Variants in GCNT2 observed in about 807,000 individuals in gnomAD.
GCNT2 encodes the protein glucosaminyl (N-acetyl) transferase 2 (I blood group), also known as N-acetyllactosaminide beta-1,6-N-acetylglucosaminyl-transferase.
A neutral mutation model predicts 34.2 loss-of-function variants in GCNT2; 34 were observed. The ratio of observed to expected loss-of-function variants is 1.00; its 90% confidence interval spans 0.76 to 1.32. GCNT2 has a LOEUF of 1.32. Ranked by LOEUF, GCNT2 falls within the 40% of genes most tolerant of loss-of-function variation. The pLI is 0.00. For missense variants in GCNT2, 584 were observed against 489.4 expected, an observed-to-expected ratio of 1.19 and a Z score of -1.82; for synonymous variants, 212 against 188.0, an observed-to-expected ratio of 1.13 and a Z score of -1.04.
chr6:10,542,073 T>G (rs1315612707), intron 3 of GCNT2, among the ~76,000 whole-genome samples: 4 of 152,166 alleles, frequency 2.6e-5, no homozygotes, highest in Admixed American at 6.6e-5. Context: ...ACCAATTGTG[T>G]TGTTGCTTTC....
At chr6:10,588,785 A>ATG (rs60988454) in intron 3 of GCNT2, among the ~76,000 whole-genome samples, 2,821 of 135,228 alleles carry the variant, frequency 0.021, 36 homozygotes, top group African/African-American at 0.035. Flanking sequence ...TGTGTGTGTG[A>ATG]TGTGTGTGTG....
At chr6:10,533,884 C>A (rs985484184) in intron 3 of GCNT2, among the ~76,000 whole-genome samples, 3 of 150,454 alleles carry the variant, frequency 2.0e-5, no homozygotes, top group African/African-American at 7.3e-5. Context: ...CCTGTGGCTG[C>A]GACCACAGGC....
intron 3 of GCNT2, among the ~76,000 whole-genome samples, chr6:10,550,396 G>GA (rs1057228175): frequency 4.0e-5 from 6 of 150,752 alleles, no homozygotes; most frequent in Admixed American, 1.3e-4. Flanking sequence ...GGGTCATTGA[G>GA]AAAAAAAAAT....
intron 3 of GCNT2, among the ~76,000 whole-genome samples, chr6:10,566,333 T>C (rs550292283): frequency 1.3e-5 from 2 of 152,344 alleles, no homozygotes; most frequent in South Asian, 2.1e-4. Flanking sequence ...GGCCTGGCTC[T>C]GTGACCCAGG....
intron 3 of GCNT2, among the ~76,000 whole-genome samples, chr6:10,561,169 T>C (rs1164632363): frequency 2.0e-5 from 3 of 152,092 alleles, no homozygotes; most frequent in Admixed American, 6.5e-5. Flanking sequence ...TTTCTTTTCT[T>C]TTTCTTTTTT....
intron 3 of GCNT2, among the ~76,000 whole-genome samples, chr6:10,582,491 A>ACATC (rs1561816820): frequency 4.7e-5 from 5 of 106,446 alleles, no homozygotes; most frequent in Non-Finnish European, 9.7e-5. Context: ...TATATACTAT[A>ACATC]ATATATAATA....
At chr6:10,622,742 CTTTTTTTTTTT>C (rs36097125) in intron 4 of GCNT2, among the ~76,000 whole-genome samples, 1,457 of 74,550 alleles carry the variant, frequency 0.02, 35 homozygotes, top group African/African-American at 0.06. Flanking sequence ...CTCAGTCCAT[CTTTTTTTTTTT>C]TTTTTTTTTT....
At chr6:10,583,917 A>G (rs763584910) in intron 3 of GCNT2, among the ~76,000 whole-genome samples, 1 of 152,136 alleles carries the variant, frequency 6.6e-6, no homozygotes, top group Non-Finnish European at 1.5e-5. Context: ...CTGGCATGCA[A>G]ACTTAGGTGT....
chr6:10,544,851 A>T (rs1451435897), intron 3 of GCNT2, among the ~76,000 whole-genome samples: 3 of 151,612 alleles, frequency 2.0e-5, no homozygotes, highest in Non-Finnish European at 4.4e-5. Context: ...AGGCTGAGGC[A>T]GGAGAATCAC....
chr6:10,592,122 A>G (rs1197667432), intron 3 of GCNT2, among the ~76,000 whole-genome samples: 2 of 139,804 alleles, frequency 1.4e-5, no homozygotes, highest in African/African-American at 5.1e-5. Flanking sequence ...TCGAGTCTAA[A>G]ATAACGCTAC....
At chr6:10,620,340 C>G (rs547182922) in intron 3 of GCNT2, among the ~76,000 whole-genome samples, 1 of 152,132 alleles carries the variant, frequency 6.6e-6, no homozygotes, top group Non-Finnish European at 1.5e-5. Context: ...TGCTGTAACT[C>G]TAAAGCAAAG....
chr6:10,616,059 T>C (rs1217407494), intron 3 of GCNT2, among the ~76,000 whole-genome samples: 2 of 152,216 alleles, frequency 1.3e-5, no homozygotes, highest in African/African-American at 2.4e-5. Context: ...AGTGTTACAG[T>C]TCTTAAAAGC....
At chr6:10,592,339 A>T in intron 3 of GCNT2, among the ~76,000 whole-genome samples, 1 of 152,298 alleles carries the variant, frequency 6.6e-6, no homozygotes, top group African/African-American at 2.4e-5. Context: ...TGCGTTAGTG[A>T]TGTGGACCAG....
At chr6:10,550,865 C>T (rs992821641) in intron 3 of GCNT2, among the ~76,000 whole-genome samples, 1 of 152,188 alleles carries the variant, frequency 6.6e-6, no homozygotes, top group Non-Finnish European at 1.5e-5. Context: ...ACAGCTCCTC[C>T]AGGTGATGAG....
chr6:10,585,891 G>A (rs1381487814), intron 3 of GCNT2: 14 of 1,580,552 alleles, frequency 8.9e-6, no homozygotes, highest in Admixed American at 8.8e-5. Context: ...AGAAGCTGTC[G>A]AAATTCAAGA....
intron 3 of GCNT2, chr6:10,574,920 A>T (rs1371388727): frequency 1.4e-6 from 1 of 709,370 alleles, no homozygotes; most frequent in East Asian, 2.6e-5. Flanking sequence ...TCAGGAAGCT[A>T]GCTCGGCTCT....
chr6:10,621,497 G>C (rs908378735), intron 4 of GCNT2, 54 bp downstream of exon 4: 1 of 1,117,888 alleles, frequency 8.9e-7, no homozygotes. Context: ...TTAGCAGGAA[G>C]GTAGCTGTGG....
At chr6:10,563,302 A>ATG (rs2127387251) in intron 3 of GCNT2, among the ~76,000 whole-genome samples, 1 of 152,336 alleles carries the variant, frequency 6.6e-6, no homozygotes, top group Non-Finnish European at 1.5e-5. Context: ...TCATAAAAAC[A>ATG]TGTTCAATAA....
At chr6:10,541,263 T>G (rs1361812711) in intron 3 of GCNT2, among the ~76,000 whole-genome samples, 1 of 152,168 alleles carries the variant, frequency 6.6e-6, no homozygotes, top group African/African-American at 2.4e-5. Flanking sequence ...ACATGCGGTG[T>G]TTGGGTATTC....
Sources: allele counts gnomAD v4.1 joint callset (sites outside exome capture counted in the v4.1 genomes callset), GRCh38; gene constraint gnomAD v4.1.1; transcripts MANE v1.5; gene names NCBI Gene and HGNC (gene_info 2026-07-23, HGNC 2026-07-21).